The following ASAH2 variants were observed in gnomAD, a reference collection of about 807,000 sequenced individuals.
ASAH2 encodes neutral ceramidase.
Under a neutral mutation model 82.9 loss-of-function variants are expected in ASAH2, and 58 were observed. The ratio of observed to expected loss-of-function variants is 0.70; its 90% CI spans 0.57 to 0.87. The LOEUF (loss-of-function observed/expected upper bound fraction) is 0.87, where lower values mean the gene tolerates loss of function less well. Ranked by LOEUF, ASAH2 falls within the 40% of genes least tolerant of loss-of-function variation. The probability of loss-of-function intolerance (pLI) is 0.00; values close to 1 mark genes in which losing one functional copy is unlikely to be tolerated. For synonymous variants in ASAH2, 276 were observed against 289.7 expected, an observed-to-expected ratio of 0.95 and a Z score of 0.48; for missense variants, 779 against 834.0, an observed-to-expected ratio of 0.93 and a Z score of 0.81.
chr10:50,239,679 T>C (rs1346112044), intron 4 of ASAH2, among the ~76,000 whole-genome samples: 1 of 152,120 alleles, frequency 6.6e-6, no homozygotes, highest in Admixed American at 6.6e-5. Context: ...ATCTGTCAAA[T>C]GACATAATAA....
intron 8 of ASAH2, 140 bp from the exon 9 acceptor site, chr10:50,215,008 CT>C: frequency 9.1e-7 from 1 of 1,101,602 alleles, no homozygotes; most frequent in Non-Finnish European, 1.3e-6. Context: ...ATAAAATATT[CT>C]GTAGGTTGCC....
chr10:50,225,975 C>T (rs972745726), intron 7 of ASAH2, among the ~76,000 whole-genome samples: 4 of 152,028 alleles, frequency 2.6e-5, no homozygotes, highest in Non-Finnish European at 4.4e-5. Context: ...CACCTGTAAT[C>T]CCAGCTACTC....
chr10:50,214,597 A>G, intron 9 of ASAH2, 146 bp downstream of exon 9: 1 of 961,210 alleles, frequency 1.0e-6, no homozygotes, highest in South Asian at 1.5e-5. Flanking sequence ...GGGTTTGGAC[A>G]GGTGCTTTTG....
chr10:50,203,581 TA>T, intron 15 of ASAH2, 58 bp downstream of exon 15: 1 of 1,345,054 alleles, frequency 7.4e-7, no homozygotes, highest in Non-Finnish European at 1.1e-6. Context: ...AGGGATAGGA[TA>T]TACTTTCCTC....
intron 15 of ASAH2, 96 bp from the exon 16 acceptor site, chr10:50,203,020 T>G: frequency 1.2e-6 from 1 of 861,816 alleles, no homozygotes; most frequent in Non-Finnish European, 1.9e-6. Flanking sequence ...ATTACACTAT[T>G]AGTTTAAGAT....
intron 4 of ASAH2, among the ~76,000 whole-genome samples, 160 bp downstream of exon 4, chr10:50,243,042 C>T (rs543258285): frequency 1.1e-4 from 16 of 152,258 alleles, no homozygotes; most frequent in Non-Finnish European, 2.1e-4. Flanking sequence ...AGATCATTTT[C>T]CTTGTAAGAT....
chr10:50,218,482 T>C (rs1845666289), intron 8 of ASAH2, 28 bp downstream of exon 8: 11 of 1,613,640 alleles, frequency 6.8e-6, no homozygotes, highest in South Asian at 2.2e-5. Context: ...TGAATCAAGA[T>C]GAAGCTTTCA....
rs1298933096 is a variant in ASAH2 at position 50,204,873 on chromosome 10, G to A, written c.1613C>T (p.Pro538Leu). The A allele has an allele frequency of 3.7e-6, 6 of 1,609,130 alleles. No individual in the cohort carries two copies. In the African/African-American group the frequency reaches 8.0e-5, roughly 22 times the overall value. ...TLGSLAITAI[P>L]GEFTTMSGRR... is the part of the protein sequence containing the mutation. ...AAGAAAAACTTACGTAAACTCCCCGGGGATGGCAGTTATGGCCAAGGACCC... is the reference window on the plus strand; with the variant it reads ...AAGAAAAACTTACGTAAACTCCCCGAGGATGGCAGTTATGGCCAAGGACCC... The change falls in exon 14 of 21, where the codon CCC (proline) becomes CTC (leucine). Residue 538 changes from proline to leucine, a missense_variant. Transcript: ENST00000682911.
At chr10:50,232,574 A>C (rs2133223797) in intron 7 of ASAH2, among the ~76,000 whole-genome samples, 1 of 152,234 alleles carries the variant, frequency 6.6e-6, no homozygotes, top group Admixed American at 6.5e-5. Flanking sequence ...TATGAATGCA[A>C]ATTCCTTATT....
At chr10:50,206,947 T>C (rs1845315877) in intron 12 of ASAH2, among the ~76,000 whole-genome samples, 1 of 151,844 alleles carries the variant, frequency 6.6e-6, no homozygotes, top group Non-Finnish European at 1.5e-5. Flanking sequence ...AAGACAAATC[T>C]CATTAAATTT....
chr10:50,218,358 G>T, intron 8 of ASAH2, 152 bp downstream of exon 8: 1 of 1,118,354 alleles, frequency 8.9e-7, no homozygotes, highest in Non-Finnish European at 1.3e-6. Context: ...CCACATTAGG[G>T]AGGATGGTAA....
At chr10:50,210,462 T>G (rs1845423197) in intron 12 of ASAH2, among the ~76,000 whole-genome samples, 1 of 152,002 alleles carries the variant, frequency 6.6e-6, no homozygotes, top group Non-Finnish European at 1.5e-5. Flanking sequence ...ATGGTGCCAC[T>G]GTACTCCAGC....
chr10:50,212,212 C>CACAT (rs1554905804), intron 10 of ASAH2, among the ~76,000 whole-genome samples: 6 of 151,616 alleles, frequency 4.0e-5, no homozygotes, highest in South Asian at 2.1e-4. Context: ...CACACACACA[C>CACAT]GCAGCAAAGG....
chr10:50,205,044 T>G (rs1170704959), intron 13 of ASAH2, 89 bp from the exon 14 acceptor site: 2 of 864,420 alleles, frequency 2.3e-6, no homozygotes, highest in African/African-American at 3.4e-5. Flanking sequence ...TTCCTCTAGT[T>G]TCTAATTTAT....
At chr10:50,216,862 A>G in intron 8 of ASAH2, among the ~76,000 whole-genome samples, 1 of 152,228 alleles carries the variant, frequency 6.6e-6, no homozygotes, top group Non-Finnish European at 1.5e-5. Context: ...AGTGATCATA[A>G]ATAGAAAACT....
At chr10:50,215,819 C>G (rs1191422339) in intron 8 of ASAH2, among the ~76,000 whole-genome samples, 3 of 151,982 alleles carry the variant, frequency 2.0e-5, no homozygotes, top group African/African-American at 7.3e-5. Context: ...GGGTATATAC[C>G]CAAAGGATTA....
At chr10:50,248,826 A>G (rs1846541346) in intron 1 of ASAH2, among the ~76,000 whole-genome samples, 180 bp from the exon 2 acceptor site, 1 of 152,208 alleles carries the variant, frequency 6.6e-6, no homozygotes. Context: ...ATTCTTTTTG[A>G]AAAGCTCGAA....
At chr10:50,242,021 A>C (rs1846310958) in intron 4 of ASAH2, among the ~76,000 whole-genome samples, 1 of 152,160 alleles carries the variant, frequency 6.6e-6, no homozygotes, top group Admixed American at 6.6e-5. Flanking sequence ...TGTACCCCAG[A>C]ACTTAAAGTA....
intron 4 of ASAH2, chr10:50,240,597 T>A: frequency 4.3e-6 from 3 of 702,170 alleles, no homozygotes; most frequent in Non-Finnish European, 7.8e-6. Context: ...CCTCTGCAAT[T>A]ATGATAAACA....
Sources: allele counts gnomAD v4.1 joint callset (sites outside exome capture counted in the v4.1 genomes callset), GRCh38; gene constraint gnomAD v4.1.1; transcripts MANE v1.5; gene names NCBI Gene and HGNC (gene_info 2026-07-23, HGNC 2026-07-21).